Variants in GSE1 observed in about 807,000 individuals in gnomAD.
The protein encoded by GSE1 is Gse1 coiled-coil protein.
In GSE1, 32 loss-of-function variants were observed where a neutral mutation model predicts 112.6. The observed-to-expected ratio is 0.28, with a 90% CI of 0.21 to 0.38. GSE1 has a LOEUF of 0.38. GSE1 is among the 10% of genes least tolerant of loss of function. The probability of loss-of-function intolerance (pLI) is 1.00; values close to 1 mark genes in which losing one functional copy is unlikely to be tolerated. For synonymous variants in GSE1, 1,115 were observed against 735.6 expected (o/e 1.52, Z -8.35); for missense variants, 2,348 against 1,699.2 (o/e 1.38, Z -6.71).
At chr16:85,645,252 C>T (rs2050758421) in intron 2 of GSE1, among the ~76,000 whole-genome samples, 1 of 152,106 alleles carries the variant, frequency 6.6e-6, no homozygotes, top group African/African-American at 2.4e-5. Flanking sequence ...CATTCCCCAC[C>T]TGGGCCAGAT....
At chr16:85,636,856 G>GC (rs2050044336) in intron 2 of GSE1, among the ~76,000 whole-genome samples, 1 of 152,200 alleles carries the variant, frequency 6.6e-6, no homozygotes, top group South Asian at 2.1e-4. Flanking sequence ...CGCTGACCCT[G>GC]CCTCCCTGTG....
rs762519565 is a variant in GSE1, at chr16:85,656,456, A to T, written c.1103A>T (p.Glu368Val). ...EKEREREREK[E>V]REQEKERERE... The stretch of plus-strand genomic sequence containing the variant: ...GAACGTGAGCGCGAACGCGAGAAGG[A>T]GCGCGAGCAAGAGAAGGAGCGTGAG... Residue 368 changes from glutamate to valine, a missense_variant, in exon 7 of 16, where the codon GAG becomes GTG. Physicochemically the swap from Glu to Val is moderately radical, Grantham distance 121. Coordinates refer to ENST00000253458, the MANE Select transcript of GSE1 (RefSeq NM_014615.5). 2 of 1,547,166 alleles carry T rather than the reference A, an allele frequency of 1.3e-6. No homozygotes were observed. The highest frequency in any genetic ancestry group is 2.4e-5 in the East Asian group (1 of 41,524).
chr16:85,658,165 C>A (rs1456578320), intron 8 of GSE1, among the ~76,000 whole-genome samples: 1 of 152,208 alleles, frequency 6.6e-6, no homozygotes, highest in Admixed American at 6.5e-5. Flanking sequence ...ATGAGCTGGG[C>A]CCCAGTGCCC....
At chr16:85,218,880 G>A (rs1237234116) in intron 1 of GSE1, among the ~76,000 whole-genome samples, 1 of 152,114 alleles carries the variant, frequency 6.6e-6, no homozygotes, top group Non-Finnish European at 1.5e-5. Flanking sequence ...CAGTCCATGC[G>A]GATTTTTCTT....
chr16:85,246,333 CCCCCA>C (rs1905735749), intron 1 of GSE1, among the ~76,000 whole-genome samples: 1 of 31,532 alleles, frequency 3.2e-5, no homozygotes, highest in Admixed American at 4.0e-4. Context: ...ACACACACAC[CCCCCA>C]CACGCTGTCT....
At chr16:85,591,844 C>A (rs1344982110) in intron 1 of GSE1, among the ~76,000 whole-genome samples, 1 of 152,224 alleles carries the variant, frequency 6.6e-6, no homozygotes, top group Non-Finnish European at 1.5e-5. Context: ...CTGGAGCTGA[C>A]TTTCCGGAGC....
chr16:85,320,479 GA>G lies in GSE1; in HGVS notation c.2284-36981del, dbSNP rs2046083157. ...TTTTGTTTTGTTTTGTTTTTTTGTA[GA>G]AATGGAGTCTCTCTATGTTGCCCAG... On this transcript the variant is annotated intron_variant, in intron 1 of 2. Coordinates refer to the GSE1 transcript ENST00000637419. Among the ~76,000 whole-genome samples the G allele has an allele frequency of 3.2e-5, 3 of 93,242 alleles. No individual in the cohort carries two copies. The South Asian group carries it at 1.1e-3, about 34-fold the overall frequency. The allele number at this position is 93,242 out of a possible 152,430, so 61.2% of individuals were successfully genotyped here.
At chr16:85,294,647 CTCTCTCT>C (rs1567669583) in intron 1 of GSE1, among the ~76,000 whole-genome samples, 1 of 120,498 alleles carries the variant, frequency 8.3e-6, no homozygotes, top group Non-Finnish European at 1.8e-5. Context: ...CTCTCTCTCT[CTCTCTCT>C]CTCTGTCTCT....
At chr16:85,633,420 T>C (rs962677892) in intron 1 of GSE1, among the ~76,000 whole-genome samples, 1 of 152,240 alleles carries the variant, frequency 6.6e-6, no homozygotes, top group African/African-American at 2.4e-5. Context: ...GGCATTGCCA[T>C]GCGTGCCTGG....
intron 1 of GSE1, among the ~76,000 whole-genome samples, chr16:85,598,991 C>T (rs2047352452): frequency 6.6e-6 from 1 of 152,252 alleles, no homozygotes; most frequent in African/African-American, 2.4e-5. Flanking sequence ...CCTACTCCCC[C>T]TCAATTATTT....
chr16:85,440,867 G>C (rs1381401385), intron 2 of GSE1, among the ~76,000 whole-genome samples: 1 of 152,202 alleles, frequency 6.6e-6, no homozygotes, highest in African/African-American at 2.4e-5. Flanking sequence ...GCTCAGCCCC[G>C]GCCTGGCTTC....
chr16:85,447,542 C>T (rs997169417), intron 2 of GSE1, among the ~76,000 whole-genome samples: 70 of 152,272 alleles, frequency 4.6e-4, no homozygotes, highest in African/African-American at 1.6e-3. Flanking sequence ...CAGCACATAC[C>T]AGCTGTCACC....
chr16:85,614,026 G>A (rs578002860), intron 1 of GSE1, among the ~76,000 whole-genome samples: 5 of 151,416 alleles, frequency 3.3e-5, no homozygotes, highest in African/African-American at 1.2e-4. Context: ...GGCGCGCCCC[G>A]GGCTCGGCCG....
intron 2 of GSE1, among the ~76,000 whole-genome samples, chr16:85,482,508 C>CCA (rs1555519340): frequency 8.4e-6 from 1 of 118,384 alleles, no homozygotes; most frequent in Non-Finnish European, 1.7e-5. Flanking sequence ...GTTCCCCCCC[C>CCA]AAATAAAATC....
At chr16:85,374,358 G>A (rs1199293466) in intron 2 of GSE1, among the ~76,000 whole-genome samples, 5 of 149,610 alleles carry the variant, frequency 3.3e-5, no homozygotes, top group African/African-American at 9.9e-5. Flanking sequence ...CGTGGCCCTC[G>A]GTGTGCAGTG....
chr16:85,317,443 G>A (rs2046009351), intron 1 of GSE1, among the ~76,000 whole-genome samples: 1 of 152,138 alleles, frequency 6.6e-6, no homozygotes, highest in Admixed American at 6.5e-5. Flanking sequence ...AGCAGCCCCA[G>A]GAAGTGAGGA....
chr16:85,318,654 C>T (rs1023088985), intron 1 of GSE1, among the ~76,000 whole-genome samples: 7 of 152,106 alleles, frequency 4.6e-5, no homozygotes, highest in East Asian at 1.9e-4. Context: ...GTGGGGCACA[C>T]GTAGAGCCAG....
intron 12 of GSE1, 104 bp downstream of exon 12, chr16:85,665,232 C>A (rs1231676068): frequency 3.0e-6 from 2 of 660,834 alleles, no homozygotes; most frequent in Admixed American, 4.8e-5. Context: ...AATGTGGCCT[C>A]CTGCAGGCTG....
At chr16:85,648,832 T>C (rs959543059) in intron 3 of GSE1, 81 bp downstream of exon 3, 6 of 787,922 alleles carry the variant, frequency 7.6e-6, no homozygotes, top group Non-Finnish European at 1.2e-5. Flanking sequence ...CTCTGGAGCT[T>C]TCGAGGTTGA....
Sources: allele counts gnomAD v4.1 joint callset (sites outside exome capture counted in the v4.1 genomes callset), GRCh38; gene constraint gnomAD v4.1.1; transcripts MANE v1.5; gene names NCBI Gene and HGNC (gene_info 2026-07-23, HGNC 2026-07-21).